The following SAT2 variants were observed in gnomAD, a reference collection of about 807,000 sequenced individuals.
SAT2 encodes thialysine N-epsilon-acetyltransferase.
In SAT2, 19 loss-of-function variants were observed where a neutral mutation model predicts 24.8. The observed-to-expected ratio is 0.77, with a 90% confidence interval of 0.53 to 1.12. The LOEUF is 1.12. Ranked by LOEUF, SAT2 falls within the 50% of genes most tolerant of loss-of-function variation. SAT2 has a pLI of 0.00. For missense variants in SAT2, 190 were observed against 210.7 expected (o/e 0.90, Z 0.61); for synonymous variants, 77 against 77.4 (o/e 0.99, Z 0.03).
In SAT2 at chr17:7,626,355, T is replaced by C. The variant is rs919114400; in HGVS notation, c.*92A>G. 10 of 1,443,940 alleles carry C rather than the reference T, an allele frequency of 6.9e-6. No homozygotes were observed. The African/African-American group carries it at 1.3e-4, about 18-fold the overall frequency. The allele number at this position is 1,443,940 out of a possible 1,614,324, so 89.4% of individuals were successfully genotyped here. On this transcript the variant is annotated 3_prime_UTR_variant, in exon 6 of 6. Coordinates refer to ENST00000269298, the MANE Select transcript of SAT2 (RefSeq NM_133491.5). ...TAACCCTCCTTCCTCCAGGGAGGCC[T>C]CAGCATCAGTGTCTGTGGACGTAGT...
rs1464935993 is a variant in SAT2, at chr17:7,627,505, G to A, written c.66+65C>T. 1.1e-5 allele frequency: 9 copies of A among 837,570 alleles called. No homozygotes were observed. The highest frequency in any genetic ancestry group is 1.8e-5 in the African/African-American group (1 of 56,716). The allele number at this position is 837,570 out of a possible 1,614,324, so 51.9% of individuals were successfully genotyped here. A position where few individuals can be genotyped will look rare whatever the true frequency, so the allele number is the denominator to read the frequency against. On this transcript the variant is annotated intron_variant, in intron 1 of 5. Coordinates refer to ENST00000269298, the MANE Select transcript of SAT2 (RefSeq NM_133491.5). The surrounding 1 kb of genome is among the most constrained non-coding windows in gnomAD (Gnocchi z 4.8). ...AAGGCGAGCCCCTCCCCCTGCCCCC[G>A]CCTCCTACGACCCCGCTCTGGCCGC... is the stretch of plus-strand genomic sequence containing the variant.
At position 7,627,370 on chromosome 17, in the gene SAT2, A is replaced by ACTGATCTTCAC. The variant is rs1255369928; in HGVS notation, c.100_110dup (p.Ser37ArgfsTer2). ...TGGGCGCTGAGCCCCCACCTTCTTC[A>ACTGATCTTCAC]CTGATCTTCACCTGATCCGAGAGTT... On this transcript the variant is annotated stop_gained and frameshift_variant, in exon 2 of 6. Coordinates refer to ENST00000269298, the MANE Select transcript of SAT2 (RefSeq NM_133491.5). LOFTEE classifies it high-confidence loss of function. The surrounding 1 kb of genome is among the most constrained non-coding windows in gnomAD (Gnocchi z 4.8). 6.2e-7 allele frequency: 1 copy of ACTGATCTTCAC among 1,614,070 alleles called. No homozygotes were observed. The highest frequency in any genetic ancestry group is 8.5e-7 in the Non-Finnish European group (1 of 1,180,000).
In SAT2 at chr17:7,626,737, C is replaced by T; in HGVS notation, c.345+16G>A. 2 of 1,614,132 alleles carry T rather than the reference C, an allele frequency of 1.2e-6. No homozygotes were observed. The highest frequency in any genetic ancestry group is 1.3e-5 in the African/African-American group (1 of 75,044). ...CTTCTTCAGGTCCTCACTTGTCGCC[C>T]CACCCATCTCCTCACCTCAGCCACC... On this transcript the variant is annotated intron_variant, in intron 5 of 5. Transcript: ENST00000269298.
In SAT2 at chr17:7,627,673, T is replaced by A; in HGVS notation, c.-38A>T. The A allele has an allele frequency of 6.2e-7, 1 of 1,613,186 alleles. No homozygotes were observed. The highest frequency in any genetic ancestry group is 1.1e-5 in the South Asian group (1 of 91,060). On this transcript the variant is annotated 5_prime_UTR_variant, in exon 1 of 6. Transcript: ENST00000269298. The surrounding 1 kb of genome is among the most constrained non-coding windows in gnomAD (Gnocchi z 4.8). ...TGTCTGGGACCAAAGTCCCAGGGCC[T>A]CGCAAACGGCAACTAGACCCCTTAA...
chr17:7,626,675 C>T (rs2072217994), intron 5 of SAT2, 61 bp from the exon 6 acceptor site: 17 of 1,611,710 alleles, frequency 1.1e-5, no homozygotes, highest in Admixed American at 1.0e-4. Flanking sequence ...TTTCTCACTC[C>T]CTCTTTCAAC....
chr17:7,626,576 G>T lies in SAT2; in HGVS notation c.384C>A (p.Ala128=), dbSNP rs546670313. 1 of 1,613,986 alleles carries T rather than the reference G, an allele frequency of 6.2e-7. No individual in the cohort carries two copies. Among genetic ancestry groups the T allele is most frequent in the Admixed American group, 1.7e-5 (1 of 59,966 alleles). ...TGGCCCTCTGGTTCCAGTCCAGGAC[G>T]GCCAGGCGGAATTGGGAGCAGCCCT... The part of the protein sequence containing the change: ...LDKGCSQFRL[A]VLDWNQRAMD... Residue 128 remains alanine, a synonymous_variant, in exon 6 of 6, where the codon GCC becomes GCA. Transcript: ENST00000269298.
chr17:7,627,496 C>T lies in SAT2; in HGVS notation c.66+74G>A. On this transcript the variant is annotated intron_variant, in intron 1 of 5. Transcript: ENST00000269298. This position sits in a 1 kb window ranked among gnomAD's most constrained non-coding sequence, Gnocchi z 4.8. ...CAGGTTCCCAAGGCGAGCCCCTCCC[C>T]CTGCCCCCGCCTCCTACGACCCCGC... 6.3e-7 allele frequency: 1 copy of T among 1,593,600 alleles called. No individual in the cohort carries two copies. The highest frequency in any genetic ancestry group is 8.6e-7 in the Non-Finnish European group (1 of 1,162,718).
chr17:7,627,709 G>T lies in SAT2; in HGVS notation c.-74C>A. ...AACTAGACCCCTTAAAGGGCCTACG[G>T]ACTTGGATCCTGAAGAGCCTGAGAG... On this transcript the variant is annotated 5_prime_UTR_variant, in exon 1 of 6. Coordinates refer to ENST00000269298, the MANE Select transcript of SAT2 (RefSeq NM_133491.5). The surrounding 1 kb of genome is among the most constrained non-coding windows in gnomAD (Gnocchi z 4.8). The T allele has an allele frequency of 1.3e-6, 2 of 1,545,950 alleles. No individual in the cohort carries two copies. Among genetic ancestry groups the T allele is most frequent in the South Asian group, 1.1e-5 (1 of 89,566 alleles).
chr17:7,627,844 C>G (rs1197992916), upstream of SAT2: 1 of 661,194 alleles, frequency 1.5e-6, no homozygotes, highest in South Asian at 1.7e-5. This position sits in a 1 kb window ranked among gnomAD's most constrained non-coding sequence, Gnocchi z 4.8. Flanking sequence ...AGGCGATCCT[C>G]TGTCCGGGCA....
chr17:7,627,201 G>A lies in SAT2; in HGVS notation c.144C>T (p.Asp48=). The change falls in exon 3 of 6, where the codon GAC becomes GAT. Residue 48 remains aspartate, a synonymous_variant. Coordinates refer to ENST00000269298, the MANE Select transcript of SAT2 (RefSeq NM_133491.5). The surrounding 1 kb of genome is among the most constrained non-coding windows in gnomAD (Gnocchi z 4.8). ...CTACCAAACAGTGATAGAAAGGATTGTCTCCAAAGCCATCTGCTCTCAGGG... is the reference window on the plus strand; with the variant it reads ...CTACCAAACAGTGATAGAAAGGATTATCTCCAAAGCCATCTGCTCTCAGGG... The part of the protein sequence containing the change: ...EEALRADGFG[D]NPFYHCLVAE... 9 of 1,614,114 alleles carry A rather than the reference G, an allele frequency of 5.6e-6. No homozygotes were observed. The highest frequency in any genetic ancestry group is 6.8e-6 in the Non-Finnish European group (8 of 1,180,024).
chr17:7,627,658 C>T lies in SAT2; in HGVS notation c.-23G>A, dbSNP rs2072260562. The T allele has an allele frequency of 6.2e-7, 1 of 1,613,666 alleles. No individual in the cohort carries two copies. Among genetic ancestry groups the T allele is most frequent in the African/African-American group, 1.3e-5 (1 of 74,880 alleles). On this transcript the variant is annotated 5_prime_UTR_variant, in exon 1 of 6. Coordinates refer to ENST00000269298, the MANE Select transcript of SAT2 (RefSeq NM_133491.5). This position sits in a 1 kb window ranked among gnomAD's most constrained non-coding sequence, Gnocchi z 4.8. Reference sequence around the variant, plus strand: ...CATCCGGATCCCCGCTGTCTGGGACCAAAGTCCCAGGGCCTCGCAAACGGC... The same window carrying T: ...CATCCGGATCCCCGCTGTCTGGGACTAAAGTCCCAGGGCCTCGCAAACGGC...
At position 7,627,190 on chromosome 17, in the gene SAT2, T is replaced by C; in HGVS notation, c.155A>G (p.Tyr52Cys). 4 of 1,613,990 alleles carry C rather than the reference T, an allele frequency of 2.5e-6. No individual in the cohort carries two copies. Among genetic ancestry groups the C allele is most frequent in the Non-Finnish European group, 3.4e-6 (4 of 1,179,996 alleles). The change falls in exon 3 of 6, where the codon TAT (tyrosine) becomes TGT (cysteine). Residue 52 changes from tyrosine (Y) to cysteine (C), a missense_variant. Coordinates refer to ENST00000269298, the MANE Select transcript of SAT2 (RefSeq NM_133491.5). This position sits in a 1 kb window ranked among gnomAD's most constrained non-coding sequence, Gnocchi z 4.8. ...AAGAATCTCTGCTACCAAACAGTGATAGAAAGGATTGTCTCCAAAGCCATC... is the reference window on the plus strand; with the variant it reads ...AAGAATCTCTGCTACCAAACAGTGACAGAAAGGATTGTCTCCAAAGCCATC... ...RADGFGDNPF[Y>C]HCLVAEILPA...
At position 7,626,524 on chromosome 17, in the gene SAT2, G is replaced by A. The variant is rs751319692; in HGVS notation, c.436C>T (p.Gln146Ter). ...AMDLYKALGA[Q>*]DLTEAEGWHF... ...CAGCCCTCAGCTTCCGTCAGATCTT[G>A]GGCTCCTAGGGCCTTGTACAAGTCC... The change falls in exon 6 of 6, where the codon CAA becomes TAA. Residue 146 changes from glutamine to a stop codon, truncating the protein, a stop_gained. Transcript: ENST00000269298. LOFTEE classifies it high-confidence loss of function. 5 of 1,614,180 alleles carry A rather than the reference G, an allele frequency of 3.1e-6. No homozygotes were observed. In the Admixed American group the frequency reaches 8.3e-5, roughly 27 times the overall value.
chr17:7,627,872 A>G, upstream of SAT2: 1 of 636,588 alleles, frequency 1.6e-6, no homozygotes, highest in South Asian at 1.7e-5. This position sits in a 1 kb window ranked among gnomAD's most constrained non-coding sequence, Gnocchi z 4.8. Flanking sequence ...ACCCCCTCGA[A>G]TTCTGTCGCA....
chr17:7,627,346 G>A lies in SAT2; in HGVS notation c.118+17C>T. On this transcript the variant is annotated intron_variant, in intron 2 of 5. Coordinates refer to ENST00000269298, the MANE Select transcript of SAT2 (RefSeq NM_133491.5). The surrounding 1 kb of genome is among the most constrained non-coding windows in gnomAD (Gnocchi z 4.8). ...TCCTCCCCAGCCTCCGCCAGAACCT[G>A]GGCGCTGAGCCCCCACCTTCTTCAC... is the stretch of plus-strand genomic sequence containing the variant. 1 of 1,614,128 alleles carries A rather than the reference G, an allele frequency of 6.2e-7. No homozygotes were observed. Among genetic ancestry groups the A allele is most frequent in the Non-Finnish European group, 8.5e-7 (1 of 1,179,994 alleles).
At position 7,627,411 on chromosome 17, in the gene SAT2, G is replaced by T; in HGVS notation, c.70C>A (p.Leu24Ile). The T allele has an allele frequency of 2.5e-6, 4 of 1,614,066 alleles. No individual in the cohort carries two copies. The South Asian group carries it at 3.3e-5, about 13-fold the overall frequency. Reference sequence around the variant, plus strand: ...TCCGAGAGTTTTTCGAATTCGGCTAGCTCCTAAGGCGTGGGTACGGAAGCT... The same window carrying T: ...TCCGAGAGTTTTTCGAATTCGGCTATCTCCTAAGGCGTGGGTACGGAAGCT... ...CGDILRLIRE[L>I]AEFEKLSDQV... is the part of the protein sequence containing the mutation. The change falls in exon 2 of 6, where the codon CTA becomes ATA. Residue 24 changes from leucine to isoleucine, a missense_variant. Physicochemically the swap from Leu to Ile is conservative, Grantham distance 5. Transcript: ENST00000269298. This position sits in a 1 kb window ranked among gnomAD's most constrained non-coding sequence, Gnocchi z 4.8.
chr17:7,627,800 C>A lies in SAT2; in HGVS notation c.-165G>T. The A allele has an allele frequency of 1.3e-6, 1 of 768,984 alleles. No individual in the cohort carries two copies. The highest frequency in any genetic ancestry group is 2.3e-4 in the Middle Eastern group (1 of 4,384). The allele number at this position is 768,984 out of a possible 1,614,324, so 47.6% of individuals were successfully genotyped here. A position where few individuals can be genotyped will look rare whatever the true frequency, so the allele number is the denominator to read the frequency against. On this transcript the variant is annotated 5_prime_UTR_variant, in exon 1 of 6. Transcript: ENST00000269298. This position sits in a 1 kb window ranked among gnomAD's most constrained non-coding sequence, Gnocchi z 4.8. ...CGGCCTGGTAAGTGGAGCTGGGATTCCGGCGCCGTACGGGAGGAGAGAGTA... is the reference window on the plus strand; with the variant it reads ...CGGCCTGGTAAGTGGAGCTGGGATTACGGCGCCGTACGGGAGGAGAGAGTA...
Position 7,627,777 on chromosome 17 carries a change from G to T in SAT2, c.-142C>A, listed in dbSNP as rs557760691. 3.4e-5 allele frequency: 32 copies of T among 935,076 alleles called. No individual in the cohort carries two copies. The African/African-American group carries it at 4.8e-4, about 14-fold the overall frequency. The allele number at this position is 935,076 out of a possible 1,614,324, so 57.9% of individuals were successfully genotyped here. On this transcript the variant is annotated 5_prime_UTR_variant, in exon 1 of 6. Coordinates refer to ENST00000269298, the MANE Select transcript of SAT2 (RefSeq NM_133491.5). This position sits in a 1 kb window ranked among gnomAD's most constrained non-coding sequence, Gnocchi z 4.8. ...CGGGGGGGACGGCGGGGTAGCCGCG[G>T]CCTGGTAAGTGGAGCTGGGATTCCG...
chr17:7,626,877 CAG>C, intron 4 of SAT2, 64 bp downstream of exon 4: 1 of 1,602,274 alleles, frequency 6.2e-7, no homozygotes, highest in Non-Finnish European at 8.6e-7. Context: ...GCTCTGGGGA[CAG>C]GGGATAACAG....
Sources: allele counts gnomAD v4.1 joint callset, GRCh38; gene constraint gnomAD v4.1.1; non-coding constraint Gnocchi (gnomAD v3.1); transcripts MANE v1.5; gene names NCBI Gene and HGNC (gene_info 2026-07-23, HGNC 2026-07-21).